Variants in STXBP4 observed in about 807,000 individuals in gnomAD.
STXBP4 encodes syntaxin-binding protein 4.
STXBP4 carries 55 observed loss-of-function variants against 76.1 expected under a neutral mutation model. The ratio of observed to expected loss-of-function variants is 0.72; its 90% CI spans 0.58 to 0.91. STXBP4 has a LOEUF of 0.91. Ranked by LOEUF, STXBP4 falls within the 40% of genes least tolerant of loss-of-function variation. The pLI is 0.00. For synonymous variants in STXBP4, 201 were observed against 220.2 expected, an observed-to-expected ratio of 0.91 and a Z score of 0.77; for missense variants, 618 against 636.9, an observed-to-expected ratio of 0.97 and a Z score of 0.32.
At chr17:55,002,464 C>T (rs999115800) in intron 7 of STXBP4, among the ~76,000 whole-genome samples, 8 of 151,984 alleles carry the variant, frequency 5.3e-5, no homozygotes, top group Admixed American at 1.3e-4. Context: ...AATTAGGAAA[C>T]ATTCTAATTT....
intron 16 of STXBP4, among the ~76,000 whole-genome samples, chr17:55,107,801 A>G (rs999115689): frequency 4.6e-5 from 7 of 152,180 alleles, no homozygotes; most frequent in Non-Finnish European, 7.4e-5. Flanking sequence ...GCTTTGTCCC[A>G]GAGGGGTACC....
chr17:55,202,509 C>T, the STXBP4 span, among the ~76,000 whole-genome samples: 1 of 151,426 alleles, frequency 6.6e-6, no homozygotes, highest in African/African-American at 2.4e-5. Flanking sequence ...TGACACTGCA[C>T]ATATTATTAT....
At chr17:55,153,445 T>C (rs1481929955) in intron 17 of STXBP4, among the ~76,000 whole-genome samples, 1 of 152,234 alleles carries the variant, frequency 6.6e-6, no homozygotes, top group Non-Finnish European at 1.5e-5. Flanking sequence ...CTTCCAACTT[T>C]GTGATTTTTA....
intron 1 of STXBP4, among the ~76,000 whole-genome samples, chr17:54,978,750 A>G (rs997873897): frequency 6.6e-6 from 1 of 152,216 alleles, no homozygotes; most frequent in African/African-American, 2.4e-5. Flanking sequence ...TTCAAAAAAT[A>G]AAGAATAACT....
chr17:55,085,111 A>G (rs1277097926), intron 16 of STXBP4, among the ~76,000 whole-genome samples: 5 of 152,066 alleles, frequency 3.3e-5, no homozygotes, highest in Non-Finnish European at 5.9e-5. Context: ...CACAAGAACA[A>G]AAAACCAAAC....
chr17:55,180,499 T>C, the STXBP4 span, among the ~76,000 whole-genome samples: 1 of 152,200 alleles, frequency 6.6e-6, no homozygotes, highest in Non-Finnish European at 1.5e-5. Context: ...ACTTGCTTTA[T>C]GTATGTATTT....
intron 4 of STXBP4, among the ~76,000 whole-genome samples, chr17:54,997,532 A>G (rs941546058): frequency 1.4e-5 from 2 of 146,722 alleles, no homozygotes; most frequent in Non-Finnish European, 3.0e-5. Context: ...AATTATATAT[A>G]TAACATAAAT....
At position 55,072,936 on chromosome 17, in the gene STXBP4, C is replaced by T. The variant is rs750585219; in HGVS notation, c.1048C>T (p.Arg350Cys). 15 of 1,613,218 alleles carry T rather than the reference C, an allele frequency of 9.3e-6. No individual in the cohort carries two copies. The highest frequency in any genetic ancestry group is 3.3e-5 in the South Asian group (3 of 90,920). The change falls in exon 13 of 18, where the codon CGT (arginine) becomes TGT (cysteine). Residue 350 changes from arginine (R) to cysteine (C), a missense_variant. By Grantham distance (180) the Arg-to-Cys change is radical (BLOSUM62 -3). Transcript: ENST00000376352. Reference sequence around the variant, plus strand: ...TGTAGTTGAAGAAACAAGAGCCCTGCGTAGTCGGATTCATCTTGCTGAAGC... The same window carrying T: ...TGTAGTTGAAGAAACAAGAGCCCTGTGTAGTCGGATTCATCTTGCTGAAGC... ...KAVVEETRAL[R>C]SRIHLAEAAQ... is the part of the protein sequence containing the mutation.
chr17:55,043,519 C>A, intron 11 of STXBP4, 194 bp downstream of exon 11: 1 of 1,129,896 alleles, frequency 8.9e-7, no homozygotes, highest in East Asian at 2.7e-5. Context: ...ATTTATATTT[C>A]ACAATATCTG....
At chr17:55,090,160 G>C (rs912455276) in intron 16 of STXBP4, among the ~76,000 whole-genome samples, 3 of 151,988 alleles carry the variant, frequency 2.0e-5, no homozygotes, top group African/African-American at 4.8e-5. Context: ...GGGGGCAGAC[G>C]ATCTCTTTTC....
At chr17:55,107,725 T>C (rs2079653196) in intron 16 of STXBP4, among the ~76,000 whole-genome samples, 1 of 152,162 alleles carries the variant, frequency 6.6e-6, no homozygotes, top group Non-Finnish European at 1.5e-5. Context: ...CCAGACCCTA[T>C]TTGCCTGGGT....
intron 11 of STXBP4, among the ~76,000 whole-genome samples, chr17:55,046,212 C>A (rs2628308): frequency 5.3e-5 from 8 of 151,756 alleles, no homozygotes; most frequent in Non-Finnish European, 1.0e-4. Flanking sequence ...AAGGTGACTT[C>A]CCAGAACATA....
At chr17:55,040,194 A>G (rs2078674470) in intron 10 of STXBP4, among the ~76,000 whole-genome samples, 1 of 152,194 alleles carries the variant, frequency 6.6e-6, no homozygotes, top group African/African-American at 2.4e-5. Context: ...TGTTATATAT[A>G]ACAAAGAAGA....
chr17:55,108,405 A>G (rs1166825562), intron 16 of STXBP4, among the ~76,000 whole-genome samples: 3 of 151,972 alleles, frequency 2.0e-5, no homozygotes, highest in African/African-American at 4.8e-5. Context: ...CTCCCTTTCC[A>G]GGGGAGTGAA....
At chr17:55,121,349 G>A (rs955670638) in intron 16 of STXBP4, among the ~76,000 whole-genome samples, 1 of 152,152 alleles carries the variant, frequency 6.6e-6, no homozygotes, top group Non-Finnish European at 1.5e-5. Context: ...GAACCAAAGT[G>A]AGGTTGGGGT....
chr17:55,006,211 G>A (rs1440196552), intron 7 of STXBP4, among the ~76,000 whole-genome samples: 1 of 151,924 alleles, frequency 6.6e-6, no homozygotes, highest in Non-Finnish European at 1.5e-5. Flanking sequence ...TTATGATCTT[G>A]ACACCTATAA....
At chr17:55,006,055 T>C (rs2078003086) in intron 7 of STXBP4, among the ~76,000 whole-genome samples, 1 of 152,084 alleles carries the variant, frequency 6.6e-6, no homozygotes, top group East Asian at 1.9e-4. Context: ...TATATTATTT[T>C]TAATTTCATA....
At chr17:55,055,790 T>C (rs990769507) in intron 12 of STXBP4, among the ~76,000 whole-genome samples, 1 of 152,204 alleles carries the variant, frequency 6.6e-6, no homozygotes, top group African/African-American at 2.4e-5. Flanking sequence ...CCATCTTTCC[T>C]CTGACCCTTA....
Position 55,034,221 on chromosome 17 carries a change from G to A in STXBP4, c.817G>A (p.Val273Ile). Reference protein sequence around the residue: ...LFCLQLDEVNVGAHEISNILD... With the variant: ...LFCLQLDEVNIGAHEISNILD... ...TTGCTTGCAGTTGGATGAAGTAAAT[G>A]TTGGTGCACATGAAATTTCCAATAT... Residue 273 changes from valine (V) to isoleucine (I), a missense_variant, in exon 10 of 18, where the codon GTT becomes ATT. Val to Ile is a conservative substitution (Grantham distance 29). Transcript: ENST00000376352. The A allele has an allele frequency of 6.2e-7, 1 of 1,612,222 alleles. No individual in the cohort carries two copies. Among genetic ancestry groups the A allele is most frequent in the Non-Finnish European group, 8.5e-7 (1 of 1,178,848 alleles).
Sources: gnomAD v4.1 joint callset for allele counts (sites outside exome capture counted in the v4.1 genomes callset) on GRCh38, gnomAD v4.1.1 for gene constraint, MANE v1.5 for transcripts, NCBI Gene and HGNC (gene_info 2026-07-23, HGNC 2026-07-21) for gene names.